Variants in XPO4 observed in about 807,000 individuals in gnomAD.
The protein encoded by XPO4 is exportin 4.
In XPO4, 39 loss-of-function variants were observed where a neutral mutation model predicts 143.0. The ratio of observed to expected loss-of-function variants is 0.27; its 90% CI spans 0.21 to 0.36. The LOEUF is 0.36. Among genes scored for constraint, XPO4 ranks in the 10% least tolerant of loss-of-function variants. The probability of loss-of-function intolerance (pLI) is 1.00; values close to 1 mark genes in which losing one functional copy is unlikely to be tolerated. For synonymous variants in XPO4, 439 were observed against 474.0 expected (o/e 0.93, Z 0.96); for missense variants, 907 against 1,348.0 (o/e 0.67, Z 5.12).
chr13:20,850,354 G>C (rs1243258245), intron 4 of XPO4: 3 of 862,316 alleles, frequency 3.5e-6, no homozygotes, highest in Admixed American at 1.2e-4. Context: ...ATTTAAGTTA[G>C]GTTGGCAATA....
At chr13:20,804,156 A>AAT (rs1391207969) in intron 13 of XPO4, among the ~76,000 whole-genome samples, 6 of 149,914 alleles carry the variant, frequency 4.0e-5, no homozygotes, top group Non-Finnish European at 8.9e-5. Flanking sequence ...ATATACACAC[A>AAT]ATATATATAT....
rs1393193398 is a variant in XPO4 at position 20,778,830 on chromosome 13, C to T, written c.*4892G>A. The T allele has an allele frequency of 1.3e-5, 2 of 152,060 alleles. No homozygotes were observed. The highest frequency in any genetic ancestry group is 4.8e-5 in the African/African-American group (2 of 41,422). The allele number at this position is 152,060 out of a possible 1,614,324, so 9.4% of individuals were successfully genotyped here. A position where few individuals can be genotyped will look rare whatever the true frequency, so the allele number is the denominator to read the frequency against. On this transcript the variant is annotated 3_prime_UTR_variant, in exon 23 of 23. Coordinates refer to ENST00000255305, the MANE Select transcript of XPO4 (RefSeq NM_022459.5). ...ATTTCAATGCATTTCATAAAAGAGT[C>T]TAGCTAAATACCCATGAACAAATCA...
rs59178106 is a variant in XPO4 at position 20,849,542 on chromosome 13, C to T, written c.457-5656G>A. 0.019 allele frequency: 18,519 copies of T among 985,326 alleles called. 1,204 individuals carry two copies. The African/African-American group carries it at 0.19, about 10-fold the overall frequency. The allele number at this position is 985,326 out of a possible 1,614,324, so 61.0% of individuals were successfully genotyped here. A position where few individuals can be genotyped will look rare whatever the true frequency, so the allele number is the denominator to read the frequency against. On this transcript the variant is annotated intron_variant, in intron 4 of 22. Coordinates refer to ENST00000255305, the MANE Select transcript of XPO4 (RefSeq NM_022459.5). ...TTTCCATATCCCTCCCAAATTAGTACTGACAGCAGGTCTGACACTACTGCA... is the reference window on the plus strand; with the variant it reads ...TTTCCATATCCCTCCCAAATTAGTATTGACAGCAGGTCTGACACTACTGCA...
At position 20,890,363 on chromosome 13, in the gene XPO4, T is replaced by C. The variant is rs111489332; in HGVS notation, c.69+12307A>G. On this transcript the variant is annotated intron_variant, in intron 1 of 22. Coordinates refer to ENST00000255305, the MANE Select transcript of XPO4 (RefSeq NM_022459.5). ...TACCTGGGAGGCTGAGGTGGGAGGA[T>C]TGCTTGAGCCCAGGAGGTGGAGGTT... 2.8e-4 allele frequency among the ~76,000 whole-genome samples: 42 copies of C among 151,926 alleles called. No homozygotes were observed. In the South Asian group the frequency reaches 7.7e-3, roughly 28 times the overall value.
At chr13:20,804,848 CTA>C (rs568571899) in intron 13 of XPO4, among the ~76,000 whole-genome samples, 31 of 152,348 alleles carry the variant, frequency 2.0e-4, no homozygotes, top group African/African-American at 7.5e-4. Context: ...ACAACCTCCA[CTA>C]TAGGTCTGAG....
chr13:20,800,240 C>A lies in XPO4; in HGVS notation c.2063G>T (p.Ser688Ile). ...CTCACTACTCCAGACTGAGAGGTTA[C>A]TGATGACTTTTTGTAAGAGGTAGCC... ...IIGYLLQKVI[S>I]NLSVWSSEQD... Residue 688 changes from serine to isoleucine, a missense_variant, in exon 15 of 23, where the codon AGT becomes ATT. By Grantham distance (142) the Ser-to-Ile change is moderately radical. Coordinates refer to ENST00000255305, the MANE Select transcript of XPO4 (RefSeq NM_022459.5). 6.2e-7 allele frequency: 1 copy of A among 1,614,156 alleles called. No individual in the cohort carries two copies.
intron 19 of XPO4, among the ~76,000 whole-genome samples, chr13:20,789,992 C>G (rs2059259121): frequency 6.6e-6 from 1 of 152,172 alleles, no homozygotes; most frequent in African/African-American, 2.4e-5. Flanking sequence ...AACTTTAAAA[C>G]AGCATCAGTC....
intron 4 of XPO4, chr13:20,851,031 T>C: frequency 2.0e-6 from 2 of 985,380 alleles, no homozygotes; most frequent in Non-Finnish European, 2.4e-6. Context: ...ACTAAATCAA[T>C]GTTCTGATCA....
chr13:20,863,299 T>A (rs1360000188), intron 2 of XPO4, among the ~76,000 whole-genome samples: 1 of 152,212 alleles, frequency 6.6e-6, no homozygotes, highest in Non-Finnish European at 1.5e-5. Flanking sequence ...ATTTCATTTT[T>A]AAGTATTAAG....
At chr13:20,858,013 A>G (rs1217861883) in intron 3 of XPO4, 4 of 983,492 alleles carry the variant, frequency 4.1e-6, no homozygotes, top group Non-Finnish European at 4.8e-6. Context: ...CAGTATGCCA[A>G]AAACGTTTAA....
At position 20,782,629 on chromosome 13, in the gene XPO4, T is replaced by C. The variant is rs193069996; in HGVS notation, c.*1093A>G. 7 of 152,714 alleles carry C rather than the reference T, an allele frequency of 4.6e-5. No individual in the cohort carries two copies. Among genetic ancestry groups the C allele is most frequent in the Admixed American group, 3.3e-4 (5 of 15,280 alleles). 9.5% of individuals were successfully genotyped at this position (152,714 alleles called of 1,614,324 possible). On this transcript the variant is annotated 3_prime_UTR_variant, in exon 23 of 23. Transcript: ENST00000255305. ...AGCCATTTAGAGTAGATATGGGCTA[T>C]GTGGCTGGATAGAAACACACTCAAA... is the stretch of plus-strand genomic sequence containing the variant.
At chr13:20,870,706 G>A (rs1374392389) in intron 1 of XPO4, among the ~76,000 whole-genome samples, 1 of 150,442 alleles carries the variant, frequency 6.6e-6, no homozygotes, top group African/African-American at 2.4e-5. Context: ...CTAGAGCCTA[G>A]GTGACAGAGT....
At chr13:20,850,411 G>T in intron 4 of XPO4, 1 of 313,196 alleles carries the variant, frequency 3.2e-6, no homozygotes, top group Non-Finnish European at 4.6e-6. Flanking sequence ...CAAAATCAGT[G>T]TTCTATTATA....
chr13:20,802,008 ACTT>A (rs1051935769), intron 13 of XPO4, among the ~76,000 whole-genome samples: 2 of 151,880 alleles, frequency 1.3e-5, no homozygotes, highest in Non-Finnish European at 2.9e-5. Flanking sequence ...CTTCTCCTGA[ACTT>A]CTTCTTTAAA....
chr13:20,787,927 T>C (rs1462487031), intron 20 of XPO4, among the ~76,000 whole-genome samples: 2 of 152,206 alleles, frequency 1.3e-5, no homozygotes, highest in African/African-American at 4.8e-5. Context: ...GGGACCCTGA[T>C]GAAGGGGTAA....
At chr13:20,837,921 A>C (rs948472924) in intron 6 of XPO4, among the ~76,000 whole-genome samples, 24 of 152,106 alleles carry the variant, frequency 1.6e-4, no homozygotes, top group Non-Finnish European at 2.9e-5. Context: ...ATGGGAGTAC[A>C]ATTCAAGATG....
intron 6 of XPO4, among the ~76,000 whole-genome samples, chr13:20,828,826 G>C (rs570735951): frequency 6.6e-6 from 1 of 152,286 alleles, no homozygotes; most frequent in Admixed American, 6.5e-5. Flanking sequence ...TAACAATATA[G>C]AGTGAGTTCA....
chr13:20,815,514 TC>T (rs1287091144), intron 9 of XPO4, among the ~76,000 whole-genome samples: 3 of 152,160 alleles, frequency 2.0e-5, no homozygotes, highest in Non-Finnish European at 4.4e-5. Context: ...AAATCTAATA[TC>T]AGGTACTGTA....
chr13:20,827,910 T>C (rs1367264872), intron 6 of XPO4, among the ~76,000 whole-genome samples: 2 of 152,260 alleles, frequency 1.3e-5, no homozygotes, highest in African/African-American at 4.8e-5. Flanking sequence ...ATACGATTCA[T>C]TGATACTGCC....
Sources: gnomAD v4.1 joint callset for allele counts (sites outside exome capture counted in the v4.1 genomes callset) on GRCh38, gnomAD v4.1.1 for gene constraint, MANE v1.5 for transcripts, NCBI Gene and HGNC (gene_info 2026-07-23, HGNC 2026-07-21) for gene names.